The following TNC variants were observed in gnomAD, a reference collection of about 807,000 sequenced individuals.
TNC encodes the protein tenascin.
Under a neutral mutation model 202.4 loss-of-function variants are expected in TNC, and 109 were observed. The observed-to-expected ratio is 0.54, with a 90% CI of 0.46 to 0.63. The LOEUF (loss-of-function observed/expected upper bound fraction) is 0.63, where lower values mean the gene tolerates loss of function less well. TNC is among the 30% of genes least tolerant of loss of function. The pLI, the probability that TNC is intolerant of heterozygous loss-of-function variation, is 0.00. For missense variants in TNC, 2,756 were observed against 2,833.3 expected (o/e 0.97, Z 0.62); for synonymous variants, 1,007 against 1,089.7 (o/e 0.92, Z 1.50).
intron 1 of TNC, among the ~76,000 whole-genome samples, chr9:115,092,267 G>A (rs945520818): frequency 6.6e-6 from 1 of 152,194 alleles, no homozygotes; most frequent in African/African-American, 2.4e-5. Flanking sequence ...AGAAGAATTA[G>A]ATGGGAACAG....
At chr9:115,105,747 A>G (rs1262658838) in intron 1 of TNC, among the ~76,000 whole-genome samples, 1 of 152,220 alleles carries the variant, frequency 6.6e-6, no homozygotes, top group East Asian at 1.9e-4. Context: ...GTTGATAGGT[A>G]CTAATCTGAG....
chr9:115,112,635 A>C (rs751220881), intron 1 of TNC: 1 of 152,274 alleles, frequency 6.6e-6, no homozygotes, highest in Non-Finnish European at 1.5e-5. Context: ...ATTCCTCTGC[A>C]ATATCTGTGC....
At chr9:115,059,321 C>G (rs998885755) in intron 14 of TNC, among the ~76,000 whole-genome samples, 1 of 152,152 alleles carries the variant, frequency 6.6e-6, no homozygotes, top group Admixed American at 6.5e-5. Context: ...CCATTTCCAA[C>G]TAGCAAAAGA....
Position 115,076,503 on chromosome 9 carries a change from C to A in TNC, c.2747G>T (p.Gly916Val), listed in dbSNP as rs1353633704. ...DNSITLEWRNGKAAIDSYRIK... is the reference protein window; with the variant it reads ...DNSITLEWRNVKAAIDSYRIK... Reference sequence around the variant, plus strand: ...TCTGTAACTGTCAATAGCTGCCTTGCCATTCCTCCATTCCAGGGTGATGCT... The same window carrying A: ...TCTGTAACTGTCAATAGCTGCCTTGACATTCCTCCATTCCAGGGTGATGCT... The change falls in exon 8 of 28, where the codon GGC becomes GTC. Residue 916 changes from glycine to valine, a missense_variant. By Grantham distance (109) the Gly-to-Val change is moderately radical. Transcript: ENST00000350763. 4 of 1,614,200 alleles carry A rather than the reference C, an allele frequency of 2.5e-6. No homozygotes were observed. The East Asian group carries it at 6.7e-5, about 27-fold the overall frequency.
At chr9:115,023,121 G>T (rs958317530) in intron 27 of TNC, among the ~76,000 whole-genome samples, 1 of 152,036 alleles carries the variant, frequency 6.6e-6, no homozygotes, top group Non-Finnish European at 1.5e-5. Flanking sequence ...GTGGAATTTG[G>T]CCCTTTGCAT....
chr9:115,036,306 C>T, intron 20 of TNC, 65 bp from the exon 21 acceptor site: 1 of 1,570,772 alleles, frequency 6.4e-7, no homozygotes, highest in South Asian at 1.1e-5. Flanking sequence ...GTGGGCTTGG[C>T]AAACCACATA....
intron 25 of TNC, among the ~76,000 whole-genome samples, chr9:115,029,141 G>A (rs1733182828): frequency 6.7e-6 from 1 of 150,148 alleles, no homozygotes; most frequent in Admixed American, 6.7e-5. Context: ...CCTCTAAATT[G>A]ATTGAGATCT....
intron 12 of TNC, 43 bp from the exon 13 acceptor site, chr9:115,063,232 T>C (rs1281250144): frequency 6.2e-7 from 1 of 1,600,320 alleles, no homozygotes; most frequent in East Asian, 2.2e-5. Flanking sequence ...AAAAAGGCAA[T>C]TGCACGCTGG....
intron 1 of TNC, among the ~76,000 whole-genome samples, chr9:115,114,507 T>G (rs767223152): frequency 5.9e-5 from 9 of 152,216 alleles, no homozygotes; most frequent in Admixed American, 1.3e-4. Flanking sequence ...GGGCTGAAAT[T>G]TGAACTTTCC....
At position 115,020,599 on chromosome 9, in the gene TNC, A is replaced by G; in HGVS notation, c.*558T>C. On this transcript the variant is annotated 3_prime_UTR_variant, in exon 28 of 28. Transcript: ENST00000350763. ...CAGGTACTGTCCAGAAATGTTTTGGAAAGAAAGATCTCTTGAAAAATCCTT... is the reference window on the plus strand; with the variant it reads ...CAGGTACTGTCCAGAAATGTTTTGGGAAGAAAGATCTCTTGAAAAATCCTT... The G allele has an allele frequency of 2.9e-6, 1 of 348,902 alleles. No homozygotes were observed. The highest frequency in any genetic ancestry group is 2.4e-5 in the South Asian group (1 of 41,196). 21.6% of individuals were successfully genotyped at this position (348,902 alleles called of 1,614,324 possible).
chr9:115,086,021 C>T lies in TNC; in HGVS notation c.1710G>A (p.Gln570=), dbSNP rs549736488. The change falls in exon 3 of 28, where the codon CAG becomes CAA. Residue 570 remains glutamine (Q), a synonymous_variant. Transcript: ENST00000350763. Reference sequence around the variant, plus strand: ...TGCACTGGCCGTCCACGCAGCGGCCCTGGCCATGACAGTCACTGGGACATC... The same window carrying T: ...TGCACTGGCCGTCCACGCAGCGGCCTTGGCCATGACAGTCACTGGGACATC... ...EQRCPSDCHG[Q]GRCVDGQCIC... is the part of the protein sequence containing the mutation. 2.5e-4 allele frequency: 400 copies of T among 1,613,966 alleles called. No homozygotes were observed. The highest frequency in any genetic ancestry group is 4.7e-4 in the Admixed American group (28 of 59,992).
Position 115,063,696 on chromosome 9 carries a change from G to A in TNC, c.3760+100C>T, listed in dbSNP as rs1020780025. The A allele has an allele frequency of 6.3e-6, 8 of 1,266,964 alleles. No individual in the cohort carries two copies. The African/African-American group carries it at 1.2e-4, about 19-fold the overall frequency. 78.5% of individuals were successfully genotyped at this position (1,266,964 alleles called of 1,614,324 possible). A position where few individuals can be genotyped will look rare whatever the true frequency, so the allele number is the denominator to read the frequency against. ...GATGATTCACTGGTATTTCCCCAATGTGGTAGGAGCTGATCCCAGTTTAAA... is the reference window on the plus strand; with the variant it reads ...GATGATTCACTGGTATTTCCCCAATATGGTAGGAGCTGATCCCAGTTTAAA... On this transcript the variant is annotated intron_variant, in intron 12 of 27. Coordinates refer to ENST00000350763, the MANE Select transcript of TNC (RefSeq NM_002160.4).
At chr9:115,073,553 C>T in intron 10 of TNC, 50 bp downstream of exon 10, 2 of 1,580,896 alleles carry the variant, frequency 1.3e-6, no homozygotes, top group Non-Finnish European at 1.7e-6. Context: ...AGGAGATCTG[C>T]TAACCTCAGA....
chr9:115,038,419 G>C (rs371947017), intron 19 of TNC, 39 bp from the exon 20 acceptor site: 1 of 1,608,978 alleles, frequency 6.2e-7, no homozygotes, highest in East Asian at 2.2e-5. Context: ...AAGTCATTGG[G>C]TGGGACATCA....
At position 115,063,894 on chromosome 9, in the gene TNC, T is replaced by A; in HGVS notation, c.3662A>T (p.Asp1221Val). ...AGTGGCTGCTTTGAGCCCAGGCAGG[T>A]CTGTGGACCTCAGTCCTCCTGGGAC... The part of the protein sequence containing the change: ...LTVPGGLRST[D>V]LPGLKAATHY... Residue 1221 changes from aspartate (D) to valine (V), a missense_variant, in exon 12 of 28, where the codon GAC becomes GTC. Physicochemically the swap from Asp to Val is radical, Grantham distance 152. Transcript: ENST00000350763. 1 of 1,614,184 alleles carries A rather than the reference T, an allele frequency of 6.2e-7. No homozygotes were observed. The highest frequency in any genetic ancestry group is 1.7e-4 in the Middle Eastern group (1 of 6,060).
In TNC at chr9:115,019,858, C is replaced by G. The variant is rs1375296416; in HGVS notation, c.*1299G>C. The stretch of plus-strand genomic sequence containing the variant: ...GGGAATGGTGGAGCCAAGAATTGAA[C>G]TCAGGCAGTCTGCCTCTGGGGATCT... On this transcript the variant is annotated 3_prime_UTR_variant, in exon 28 of 28. Transcript: ENST00000350763. 1 of 152,218 alleles carries G rather than the reference C, an allele frequency of 6.6e-6. No individual in the cohort carries two copies. The highest frequency in any genetic ancestry group is 1.9e-4 in the East Asian group (1 of 5,196). The allele number at this position is 152,218 out of a possible 1,614,324, so 9.4% of individuals were successfully genotyped here.
chr9:115,095,721 TATATA>T (rs1011513305), intron 1 of TNC, among the ~76,000 whole-genome samples: 47 of 144,840 alleles, frequency 3.2e-4, no homozygotes, highest in Middle Eastern at 3.6e-3. Flanking sequence ...TATATCTCCA[TATATA>T]ATATAATAGT....
Position 115,029,432 on chromosome 9 carries a change from G to T in TNC, c.6097C>A (p.Arg2033Ser), listed in dbSNP as rs773402710. The change falls in exon 25 of 28, where the codon CGC becomes AGC. Residue 2033 changes from arginine to serine, a missense_variant. This residue lies in a region of TNC where 197 missense variants were observed against 287.3 expected (regional missense o/e 0.69). Transcript: ENST00000350763. ...WIVFLRRKNG[R>S]ENFYQNWKAY... is the part of the protein sequence containing the mutation. ...TTCCAGTTTTGGTAGAAGTTCTCGC[G>T]TCCGTTTTTGCGTCTCAGGAACACC... 6.2e-7 allele frequency: 1 copy of T among 1,613,950 alleles called. No individual in the cohort carries two copies. Among genetic ancestry groups the T allele is most frequent in the Admixed American group, 1.7e-5 (1 of 59,994 alleles).
intron 25 of TNC, among the ~76,000 whole-genome samples, chr9:115,026,985 T>C (rs1829543683): frequency 6.6e-6 from 1 of 152,000 alleles, no homozygotes; most frequent in African/African-American, 2.4e-5. Flanking sequence ...GGTGGGTGCC[T>C]GTAGTCCCAG....
Sources: gnomAD v4.1 joint callset for allele counts (sites outside exome capture counted in the v4.1 genomes callset) on GRCh38, gnomAD v4.1.1 for gene constraint, gnomAD v4.1.1 regional missense constraint, MANE v1.5 for transcripts, NCBI Gene and HGNC (gene_info 2026-07-23, HGNC 2026-07-21) for gene names.